The following CGGBP1 variants were observed in gnomAD, a reference collection of about 807,000 sequenced individuals.
CGGBP1 encodes CGG triplet repeat binding protein 1, also known as CGG triplet repeat-binding protein 1.
A neutral mutation model predicts 11.4 loss-of-function variants in CGGBP1; 4 were observed. That is an observed-to-expected ratio of 0.35 (90% CI 0.17 to 0.80). The LOEUF (loss-of-function observed/expected upper bound fraction) is 0.80, where lower values mean the gene tolerates loss of function less well. Among genes scored for constraint, CGGBP1 ranks in the 30% least tolerant of loss-of-function variants. The pLI, the probability that CGGBP1 is intolerant of heterozygous loss-of-function variation, is 0.52. For missense variants in CGGBP1, 135 were observed against 202.1 expected, an observed-to-expected ratio of 0.67 and a Z score of 2.01; for synonymous variants, 76 against 74.1, an observed-to-expected ratio of 1.03 and a Z score of -0.13.
intron 2 of CGGBP1, among the ~76,000 whole-genome samples, chr3:88,079,694 G>A (rs1233887883): frequency 2.0e-5 from 3 of 151,858 alleles, no homozygotes; most frequent in East Asian, 3.8e-4. Flanking sequence ...TTAACAGTAT[G>A]ATTGTATGGA....
At chr3:88,098,953 C>T (rs1232527572) in intron 2 of CGGBP1, among the ~76,000 whole-genome samples, 1 of 152,142 alleles carries the variant, frequency 6.6e-6, no homozygotes, top group Non-Finnish European at 1.5e-5. Context: ...GTCACTACTT[C>T]TATTCATCAT....
chr3:88,136,701 G>C (rs1375683264), intron 2 of CGGBP1, among the ~76,000 whole-genome samples: 1 of 152,190 alleles, frequency 6.6e-6, no homozygotes, highest in Non-Finnish European at 1.5e-5. Flanking sequence ...GACTGTGTGT[G>C]TTAGGAGGAG....
chr3:88,124,109 T>C (rs1705941112), intron 2 of CGGBP1, among the ~76,000 whole-genome samples: 1 of 152,218 alleles, frequency 6.6e-6, no homozygotes, highest in Admixed American at 6.5e-5. Context: ...TAAAATAAGA[T>C]ATTTATTCGA....
chr3:88,099,003 A>G (rs964139944), intron 2 of CGGBP1, among the ~76,000 whole-genome samples: 8 of 152,164 alleles, frequency 5.3e-5, no homozygotes, highest in African/African-American at 1.7e-4. Context: ...GGCGAGAGAA[A>G]GAAATAAAGG....
At chr3:88,121,100 A>G (rs1447800055) in intron 2 of CGGBP1, among the ~76,000 whole-genome samples, 3 of 151,894 alleles carry the variant, frequency 2.0e-5, no homozygotes, top group African/African-American at 7.2e-5. Context: ...TTAAAGTAAA[A>G]TAAATAATAA....
intron 2 of CGGBP1, among the ~76,000 whole-genome samples, chr3:88,125,900 T>C (rs556073007): frequency 6.6e-6 from 1 of 152,326 alleles, no homozygotes; most frequent in Admixed American, 6.5e-5. Context: ...ACGTCATCCC[T>C]ATTTGGGATT....
chr3:88,060,282 C>T (rs1576169503), upstream of CGGBP1, among the ~76,000 whole-genome samples: 1 of 152,068 alleles, frequency 6.6e-6, no homozygotes, highest in South Asian at 2.1e-4. Context: ...AGTGTCTGAA[C>T]GGTGACATTA....
upstream of CGGBP1, chr3:88,059,490 C>T: frequency 6.7e-7 from 1 of 1,498,036 alleles, no homozygotes; most frequent in Non-Finnish European, 8.8e-7. Context: ...GGGATTACTG[C>T]CGACGCTTCT....
intron 2 of CGGBP1, among the ~76,000 whole-genome samples, chr3:88,113,524 A>G (rs756435613): frequency 6.6e-6 from 1 of 152,122 alleles, no homozygotes; most frequent in African/African-American, 2.4e-5. Flanking sequence ...ATCCCATGCC[A>G]CTTTTTCCCT....
intron 2 of CGGBP1, among the ~76,000 whole-genome samples, chr3:88,080,688 G>T (rs1192035771): frequency 6.6e-6 from 1 of 151,972 alleles, no homozygotes; most frequent in Non-Finnish European, 1.5e-5. Context: ...TACAGGCAAG[G>T]GCAAATCTTG....
At chr3:88,122,295 G>T (rs1338374545) in intron 2 of CGGBP1, among the ~76,000 whole-genome samples, 1 of 152,176 alleles carries the variant, frequency 6.6e-6, no homozygotes, top group Non-Finnish European at 1.5e-5. Flanking sequence ...TACATGATGT[G>T]CAATAGGTGA....
At chr3:88,070,059 T>C (rs775810967) in intron 2 of CGGBP1, among the ~76,000 whole-genome samples, 8 of 152,198 alleles carry the variant, frequency 5.3e-5, no homozygotes, top group Non-Finnish European at 1.2e-4. Context: ...TATTCCATGC[T>C]CATGAGAGTA....
At position 88,053,645 on chromosome 3, in the gene CGGBP1, TTGTG is replaced by T. The variant is rs1245989883; in HGVS notation, c.*1824_*1827del. On this transcript the variant is annotated 3_prime_UTR_variant, in exon 4 of 4. Coordinates refer to ENST00000482016, the MANE Select transcript of CGGBP1 (RefSeq NM_001008390.2). ...CATGGAATTTCAAAAAACAGAATGATTGTGTATCTTTTCGTATTCTGAAAATAGT... is the reference window on the plus strand; with the variant it reads ...CATGGAATTTCAAAAAACAGAATGATTATCTTTTCGTATTCTGAAAATAGT... The T allele has an allele frequency of 2.0e-5, 3 of 152,580 alleles. No individual in the cohort carries two copies. The highest frequency in any genetic ancestry group is 4.4e-5 in the Non-Finnish European group (3 of 67,986). The allele number at this position is 152,580 out of a possible 1,614,324, so 9.5% of individuals were successfully genotyped here. A position where few individuals can be genotyped will look rare whatever the true frequency, so the allele number is the denominator to read the frequency against.
Position 88,140,553 on chromosome 3 carries a change from G to A in CGGBP1, c.-229+417C>T. 2 of 1,613,724 alleles carry A rather than the reference G, an allele frequency of 1.2e-6. No homozygotes were observed. The highest frequency in any genetic ancestry group is 1.7e-6 in the Non-Finnish European group (2 of 1,179,736). ...AAGCTTGATAGACCAAAAGATGCCT[G>A]ACATAGAGCCAAATTCTGAAAATAA... On this transcript the variant is annotated intron_variant, in intron 2 of 3. Transcript: ENST00000462901.
intron 2 of CGGBP1, among the ~76,000 whole-genome samples, chr3:88,137,214 A>AG (rs1377884375): frequency 3.3e-5 from 5 of 151,362 alleles, no homozygotes; most frequent in Admixed American, 1.3e-4. Context: ...AAAAAAAAAA[A>AG]AAAAGGATGT....
rs1339049273 is a variant in CGGBP1 at position 88,053,710 on chromosome 3, T to A, written c.*1763A>T. 10 of 152,602 alleles carry A rather than the reference T, an allele frequency of 6.6e-5. No individual in the cohort carries two copies. Among genetic ancestry groups the A allele is most frequent in the Admixed American group, 6.5e-4 (10 of 15,284 alleles). 9.5% of individuals were successfully genotyped at this position (152,602 alleles called of 1,614,324 possible). A position where few individuals can be genotyped will look rare whatever the true frequency, so the allele number is the denominator to read the frequency against. ...TCAATTATTCCTAGCTTCTAAAATC[T>A]ACCATCTTAGATAGTTCAAATTAAA... On this transcript the variant is annotated 3_prime_UTR_variant, in exon 4 of 4. Coordinates refer to ENST00000482016, the MANE Select transcript of CGGBP1 (RefSeq NM_001008390.2).
rs1706486053 is a variant in CGGBP1 at position 88,054,000 on chromosome 3, A to T, written c.*1473T>A. The T allele has an allele frequency of 6.6e-6, 1 of 152,586 alleles. No homozygotes were observed. Among genetic ancestry groups the T allele is most frequent in the Admixed American group, 6.5e-5 (1 of 15,288 alleles). The allele number at this position is 152,586 out of a possible 1,614,324, so 9.5% of individuals were successfully genotyped here. A position where few individuals can be genotyped will look rare whatever the true frequency, so the allele number is the denominator to read the frequency against. On this transcript the variant is annotated 3_prime_UTR_variant, in exon 4 of 4. Coordinates refer to ENST00000482016, the MANE Select transcript of CGGBP1 (RefSeq NM_001008390.2). ...GTTTGACAACCTGAATTAGAAACTTAAGTCTGTAAAAAAATCTTAAGACAT... is the reference window on the plus strand; with the variant it reads ...GTTTGACAACCTGAATTAGAAACTTTAGTCTGTAAAAAAATCTTAAGACAT...
chr3:88,098,551 C>A (rs1301593458), intron 2 of CGGBP1, among the ~76,000 whole-genome samples: 1 of 152,022 alleles, frequency 6.6e-6, no homozygotes, highest in Non-Finnish European at 1.5e-5. Context: ...TAGACCAATA[C>A]CCTTGATGAA....
At position 88,058,080 on chromosome 3, in the gene CGGBP1, C is replaced by T. The variant is rs949983661; in HGVS notation, c.-187G>A. 6.6e-6 allele frequency: 1 copy of T among 152,164 alleles called. No homozygotes were observed. Among genetic ancestry groups the T allele is most frequent in the Non-Finnish European group, 1.5e-5 (1 of 68,032 alleles). 9.4% of individuals were successfully genotyped at this position (152,164 alleles called of 1,614,324 possible). On this transcript the variant is annotated 5_prime_UTR_variant, in exon 2 of 4. The change creates a premature stop within an existing upstream ORF in the 5' untranslated region. Transcript: ENST00000482016. ...GCAGGGAATGGTCTCCAGAGCGAAACCAGAGACGCATCAAATCCTGGCACT... is the reference window on the plus strand; with the variant it reads ...GCAGGGAATGGTCTCCAGAGCGAAATCAGAGACGCATCAAATCCTGGCACT...
Sources: gnomAD v4.1 joint callset for allele counts (sites outside exome capture counted in the v4.1 genomes callset) on GRCh38, gnomAD v4.1.1 for gene constraint, MANE v1.5 for transcripts, NCBI Gene and HGNC (gene_info 2026-07-23, HGNC 2026-07-21) for gene names.